Variants in THADA observed in about 807,000 individuals in gnomAD.
THADA encodes the protein THADA armadillo repeat containing.
Under a neutral mutation model 219.8 loss-of-function variants are expected in THADA, and 213 were observed. The ratio of observed to expected loss-of-function variants is 0.97; its 90% CI spans 0.87 to 1.09. The LOEUF is 1.09. Ranked by LOEUF, THADA falls within the 50% of genes least tolerant of loss-of-function variation. The probability of loss-of-function intolerance (pLI) is 0.00; values close to 1 mark genes in which losing one functional copy is unlikely to be tolerated. For synonymous variants in THADA, 1,018 were observed against 828.9 expected, an observed-to-expected ratio of 1.23 and a Z score of -3.92; for missense variants, 2,956 against 2,311.3, an observed-to-expected ratio of 1.28 and a Z score of -5.72.
chr2:43,560,887 C>T (rs994639628), intron 15 of THADA, among the ~76,000 whole-genome samples: 1 of 151,944 alleles, frequency 6.6e-6, no homozygotes, highest in Non-Finnish European at 1.5e-5. Context: ...CATAGTGGCA[C>T]ACGACTGTAA....
At chr2:43,400,797 T>C (rs1041980757) in intron 28 of THADA, among the ~76,000 whole-genome samples, 2 of 152,078 alleles carry the variant, frequency 1.3e-5, no homozygotes, top group African/African-American at 2.4e-5. Context: ...TGTCCAGTAA[T>C]AGCATCAGTA....
chr2:43,587,037 T>A (rs374668882), intron 4 of THADA, 35 bp from the exon 5 acceptor site: 1 of 1,588,230 alleles, frequency 6.3e-7, no homozygotes, highest in African/African-American at 1.3e-5. Flanking sequence ...AATCTGACAA[T>A]CTAATAGCCC....
chr2:43,591,925 C>G (rs1701623783), intron 3 of THADA, 27 bp downstream of exon 3: 1 of 1,410,488 alleles, frequency 7.1e-7, no homozygotes, highest in East Asian at 2.5e-5. Flanking sequence ...CTTAAAGATG[C>G]ATCCATGAAT....
intron 36 of THADA, among the ~76,000 whole-genome samples, chr2:43,238,970 C>A (rs192786097): frequency 1.5e-3 from 224 of 152,266 alleles, no homozygotes; most frequent in African/African-American, 5.1e-3. Context: ...ACCGGCTACA[C>A]TGCTAGGGCA....
chr2:43,501,307 CAAAAAAAAA>C (rs60448094), intron 24 of THADA, among the ~76,000 whole-genome samples: 70 of 15,044 alleles, frequency 4.7e-3, no homozygotes, highest in Middle Eastern at 0.05. Context: ...ACTCCAACTC[CAAAAAAAAA>C]AAAAAAAAAA....
intron 25 of THADA, among the ~76,000 whole-genome samples, chr2:43,489,833 A>C (rs1333381750): frequency 7.0e-6 from 1 of 142,980 alleles, no homozygotes; most frequent in Non-Finnish European, 1.5e-5. Flanking sequence ...TGTTTTGGCT[A>C]TTATGGGTCC....
rs1197148640 is a variant in THADA at position 43,293,075 on chromosome 2, G to T, written c.4577C>A (p.Ala1526Glu). The T allele has an allele frequency of 1.2e-6, 2 of 1,614,006 alleles. No homozygotes were observed. Among genetic ancestry groups the T allele is most frequent in the Non-Finnish European group, 1.7e-6 (2 of 1,179,896 alleles). Reference protein sequence around the residue: ...LQSLTRLAIAAVWAAAAKSGE... With the variant: ...LQSLTRLAIAEVWAAAAKSGE... ...ACTCTTGGCTGCCGCGGCCCACACT[G>T]CAGCAATGGCTAGTCTGGTGAGGCT... Residue 1526 changes from alanine (A) to glutamate (E), a missense_variant, in exon 32 of 38, where the codon GCA becomes GAA. By Grantham distance (107) the Ala-to-Glu change is moderately radical. Coordinates refer to ENST00000405975, the MANE Select transcript of THADA (RefSeq NM_022065.5).
rs530234939 is a variant in THADA, at chr2:43,320,435, A to G, written c.4438+11T>C. 1.2e-5 allele frequency: 20 copies of G among 1,602,612 alleles called. No individual in the cohort carries two copies. Among genetic ancestry groups the G allele is most frequent in the Non-Finnish European group, 1.7e-5 (20 of 1,172,258 alleles). Reference sequence around the variant, plus strand: ...AACGATTCCAAAATACAGTATAACTATGAATCATACCTGGCTGGTTGTCCT... The same window carrying G: ...AACGATTCCAAAATACAGTATAACTGTGAATCATACCTGGCTGGTTGTCCT... On this transcript the variant is annotated intron_variant, in intron 31 of 37. Coordinates refer to ENST00000405975, the MANE Select transcript of THADA (RefSeq NM_022065.5).
intron 28 of THADA, among the ~76,000 whole-genome samples, chr2:43,425,641 A>G (rs1256084406): frequency 6.6e-6 from 1 of 152,232 alleles, no homozygotes; most frequent in Non-Finnish European, 1.5e-5. Flanking sequence ...ATGATAGCCA[A>G]GTGATATGTT....
Position 43,430,285 on chromosome 2 carries a change from A to C in THADA, c.3854T>G (p.Phe1285Cys). Residue 1285 changes from phenylalanine to cysteine, a missense_variant, in exon 27 of 38, where the codon TTT becomes TGT. Physicochemically the swap from Phe to Cys is radical, Grantham distance 205. Transcript: ENST00000405975. Reference sequence around the variant, plus strand: ...ATAGAGTTCTGGGAAACGAGAGAAAAACTCTCTCCCTGTCATTCTGTGAAA... The same window carrying C: ...ATAGAGTTCTGGGAAACGAGAGAAACACTCTCTCCCTGTCATTCTGTGAAA... ...SKTNRMTGRE[F>C]FSRFPELYPF... is the part of the protein sequence containing the mutation. 6.5e-7 allele frequency: 1 copy of C among 1,547,756 alleles called. No individual in the cohort carries two copies. Among genetic ancestry groups the C allele is most frequent in the Non-Finnish European group, 8.7e-7 (1 of 1,145,034 alleles).
intron 31 of THADA, among the ~76,000 whole-genome samples, chr2:43,305,298 C>A (rs1364607061): frequency 6.6e-6 from 1 of 152,160 alleles, no homozygotes; most frequent in African/African-American, 2.4e-5. Flanking sequence ...TAATCCTTGA[C>A]CCTCCCAGTA....
chr2:43,514,866 T>A lies in THADA; in HGVS notation c.3375-6086A>T, dbSNP rs187884407. On this transcript the variant is annotated intron_variant, in intron 22 of 37. Transcript: ENST00000405975. ...TATATAATAATATGTACAATATATA[T>A]TTTATGTATAATATGTATAATATAT... is the stretch of plus-strand genomic sequence containing the variant. Among the ~76,000 whole-genome samples, 168 of 84,190 alleles carry A rather than the reference T, an allele frequency of 2.0e-3. 1 individual carries two copies. Among genetic ancestry groups the A allele is most frequent in the African/African-American group, 8.8e-3 (166 of 18,964 alleles). 55.2% of individuals were successfully genotyped at this position (84,190 alleles called of 152,430 possible). A position where few individuals can be genotyped will look rare whatever the true frequency, so the allele number is the denominator to read the frequency against.
At chr2:43,527,376 A>G (rs1693292660) in intron 22 of THADA, among the ~76,000 whole-genome samples, 1 of 152,230 alleles carries the variant, frequency 6.6e-6, no homozygotes, top group African/African-American at 2.4e-5. Flanking sequence ...TTGGTTAAAT[A>G]TATGAAATCT....
chr2:43,367,664 C>G (rs1670828429), intron 29 of THADA, among the ~76,000 whole-genome samples: 1 of 152,164 alleles, frequency 6.6e-6, no homozygotes, highest in African/African-American at 2.4e-5. Flanking sequence ...ATTGTAGTAA[C>G]TGTGGGGAAA....
At chr2:43,297,625 C>T (rs569870539) in intron 31 of THADA, among the ~76,000 whole-genome samples, 2 of 102,608 alleles carry the variant, frequency 1.9e-5, no homozygotes, top group African/African-American at 5.3e-5. Flanking sequence ...CCCGGCCAGC[C>T]CCCCCGTCCG....
chr2:43,318,595 G>C (rs932290892), intron 31 of THADA, among the ~76,000 whole-genome samples: 4 of 152,140 alleles, frequency 2.6e-5, no homozygotes, highest in Admixed American at 6.5e-5. Context: ...CTGCAGTATT[G>C]GATAGTGCAG....
intron 35 of THADA, among the ~76,000 whole-genome samples, chr2:43,283,004 G>A (rs1008386736): frequency 1.3e-5 from 2 of 152,204 alleles, no homozygotes; most frequent in African/African-American, 4.8e-5. Context: ...GTGGATGGTG[G>A]GAGGTGAGTG....
chr2:43,400,644 A>C (rs1455094674), intron 28 of THADA, among the ~76,000 whole-genome samples: 1 of 151,990 alleles, frequency 6.6e-6, no homozygotes. Context: ...GACTTGGACA[A>C]GTCACAGTAA....
rs558115495 is a variant in THADA, at chr2:43,305,145, C to A, written c.4439-11932G>T. Among the ~76,000 whole-genome samples the A allele has an allele frequency of 1.9e-3, 288 of 152,228 alleles. 5 individuals carry two copies. The highest frequency in any genetic ancestry group is 2.3e-3 in the Non-Finnish European group (155 of 68,016). On this transcript the variant is annotated intron_variant, in intron 31 of 37. Transcript: ENST00000405975. ...ATTTGTACACTCTTAACGTCAATGT[C>A]CTGTTATGCAATTTCTCCGTTAAAA... is the stretch of plus-strand genomic sequence containing the variant.
Sources: gnomAD v4.1 joint callset for allele counts (sites outside exome capture counted in the v4.1 genomes callset) on GRCh38, gnomAD v4.1.1 for gene constraint, MANE v1.5 for transcripts, NCBI Gene and HGNC (gene_info 2026-07-23, HGNC 2026-07-21) for gene names.